The following TRIM37 variants were observed in gnomAD, a reference collection of about 807,000 sequenced individuals.
The protein encoded by TRIM37 is E3 ubiquitin-protein ligase TRIM37.
A neutral mutation model predicts 129.8 loss-of-function variants in TRIM37; 80 were observed. The ratio of observed to expected loss-of-function variants is 0.62; its 90% CI spans 0.51 to 0.74. TRIM37 has a LOEUF of 0.74. Ranked by LOEUF, TRIM37 falls within the 30% of genes least tolerant of loss-of-function variation. TRIM37 has a pLI of 0.00. For synonymous variants in TRIM37, 389 were observed against 387.1 expected, an observed-to-expected ratio of 1.00 and a Z score of -0.06; for missense variants, 1,054 against 1,176.5, an observed-to-expected ratio of 0.90 and a Z score of 1.52.
At chr17:58,977,393 A>T in the TRIM37 span, among the ~76,000 whole-genome samples, 2 of 151,346 alleles carry the variant, frequency 1.3e-5, no homozygotes, top group Non-Finnish European at 2.9e-5. Context: ...CAATGAGCTG[A>T]GATCACACCA....
chr17:59,042,437 AAAAAAAAAAAAAATATATAT>A (rs2039300397), intron 16 of TRIM37, among the ~76,000 whole-genome samples: 1 of 74,292 alleles, frequency 1.3e-5, no homozygotes, highest in Non-Finnish European at 2.5e-5. Flanking sequence ...AATTTAAAAA[AAAAAAAAAAAAAATATATAT>A]ATATATATAT....
intron 13 of TRIM37, among the ~76,000 whole-genome samples, chr17:59,052,759 A>G (rs1486008810): frequency 6.6e-6 from 1 of 152,130 alleles, no homozygotes; most frequent in African/African-American, 2.4e-5. Flanking sequence ...GTTCGAGACC[A>G]GCGTGGCCAA....
intron 10 of TRIM37, among the ~76,000 whole-genome samples, chr17:59,063,280 G>T (rs2041655264): frequency 6.6e-6 from 1 of 151,874 alleles, no homozygotes; most frequent in African/African-American, 2.4e-5. Context: ...CCCGGTTTCA[G>T]GCAATTCTCC....
At chr17:59,038,323 C>T (rs1047622204) in intron 17 of TRIM37, among the ~76,000 whole-genome samples, 11 of 152,110 alleles carry the variant, frequency 7.2e-5, no homozygotes, top group African/African-American at 1.4e-4. Flanking sequence ...AATATACTCA[C>T]CCTTAGGTTA....
intron 17 of TRIM37, among the ~76,000 whole-genome samples, chr17:59,035,231 T>C (rs1288213376): frequency 6.6e-6 from 1 of 151,830 alleles, no homozygotes; most frequent in Non-Finnish European, 1.5e-5. Flanking sequence ...AGCTAATTTT[T>C]TCTACTTTCA....
intron 16 of TRIM37, among the ~76,000 whole-genome samples, chr17:59,044,683 T>A (rs904567559): frequency 6.6e-6 from 1 of 152,240 alleles, no homozygotes; most frequent in Non-Finnish European, 1.5e-5. Flanking sequence ...GTATTAGGTA[T>A]TATAAGTAAT....
the TRIM37 span, among the ~76,000 whole-genome samples, chr17:58,968,372 C>T: frequency 6.6e-5 from 10 of 152,296 alleles, no homozygotes; most frequent in African/African-American, 2.2e-4. Context: ...TTACAATGAT[C>T]TGTGATCATG....
intron 2 of TRIM37, among the ~76,000 whole-genome samples, chr17:59,097,175 A>G (rs1289786333): frequency 6.6e-6 from 1 of 152,146 alleles, no homozygotes; most frequent in Non-Finnish European, 1.5e-5. Flanking sequence ...TTCAAAGGCT[A>G]AAAACTCTTC....
At chr17:58,970,398 A>G in the TRIM37 span, among the ~76,000 whole-genome samples, 1 of 152,172 alleles carries the variant, frequency 6.6e-6, no homozygotes, top group Non-Finnish European at 1.5e-5. Flanking sequence ...AATTAACTAC[A>G]GTGTTCTATA....
In TRIM37 at chr17:59,047,816, C is replaced by T. The variant is rs1283813737; in HGVS notation, c.1534G>A (p.Glu512Lys). The change falls in exon 16 of 24, where the codon GAG becomes AAG. Residue 512 changes from glutamate (E) to lysine (K), a missense_variant. Glu to Lys is a moderately conservative substitution (Grantham distance 56). Transcript: ENST00000262294. Reference protein sequence around the residue: ...EKIQNEDYHHELSDGDLDLDL... With the variant: ...EKIQNEDYHHKLSDGDLDLDL... ...AGATCCAGATCTCCATCTGAAAGCT[C>T]GTGCTAGATCAATGCCAAGAAAACA... The T allele has an allele frequency of 2.5e-6, 4 of 1,613,796 alleles. No homozygotes were observed. The highest frequency in any genetic ancestry group is 3.4e-6 in the Non-Finnish European group (4 of 1,180,040).
At chr17:58,982,468 G>GTAC (rs1471464138), downstream of TRIM37, 1 of 159,212 alleles carries the variant, frequency 6.3e-6, no homozygotes. Context: ...ACTAACAAGG[G>GTAC]TGAGTGCTCT....
At position 59,051,167 on chromosome 17, in the gene TRIM37, C is replaced by CA. The variant is rs2040304810; in HGVS notation, c.1314+46dup. ...AAATCTAATTACAAATATAACAAGC[C>CA]AAAAGGACAATAGGAAACACCAAAA... is the stretch of plus-strand genomic sequence containing the variant. On this transcript the variant is annotated intron_variant, in intron 14 of 23. Transcript: ENST00000262294. 7 of 1,221,036 alleles carry CA rather than the reference C, an allele frequency of 5.7e-6. No individual in the cohort carries two copies. The East Asian group carries it at 1.7e-4, about 29-fold the overall frequency. The allele number at this position is 1,221,036 out of a possible 1,614,324, so 75.6% of individuals were successfully genotyped here.
chr17:59,106,574 G>C lies in TRIM37; in HGVS notation c.-113C>G. ...TCGCCGATAAAAGCCCGGCGCCCAC[G>C]TCAGGGGGCTCTGACAACCGCCCCA... On this transcript the variant is annotated 5_prime_UTR_variant, in exon 1 of 24. Transcript: ENST00000262294. The C allele has an allele frequency of 7.6e-7, 1 of 1,321,512 alleles. No individual in the cohort carries two copies. The highest frequency in any genetic ancestry group is 1.1e-6 in the Non-Finnish European group (1 of 937,688). 81.9% of individuals were successfully genotyped at this position (1,321,512 alleles called of 1,614,324 possible). A position where few individuals can be genotyped will look rare whatever the true frequency, so the allele number is the denominator to read the frequency against.
intron 4 of TRIM37, among the ~76,000 whole-genome samples, chr17:59,086,597 T>C (rs1178265867): frequency 6.6e-6 from 1 of 152,140 alleles, no homozygotes; most frequent in Non-Finnish European, 1.5e-5. Context: ...TTAGAGAAAA[T>C]ACTTACATAA....
At chr17:59,036,236 C>T (rs928286147) in intron 17 of TRIM37, among the ~76,000 whole-genome samples, 7 of 151,964 alleles carry the variant, frequency 4.6e-5, no homozygotes, top group African/African-American at 9.7e-5. Flanking sequence ...AGCAAGACTC[C>T]GTCTCTATAA....
the TRIM37 span, among the ~76,000 whole-genome samples, chr17:58,967,518 A>G: frequency 6.9e-6 from 1 of 144,390 alleles, no homozygotes; most frequent in Non-Finnish European, 1.5e-5. Context: ...ATATATATAT[A>G]TAGAGAGAGA....
At chr17:58,979,937 A>T (rs2031266008), downstream of TRIM37, 1 of 1,529,844 alleles carries the variant, frequency 6.5e-7, no homozygotes, top group Non-Finnish European at 8.9e-7. Flanking sequence ...AAGGTAAAAC[A>T]AATGCTAATG....
intron 14 of TRIM37, 145 bp downstream of exon 14, chr17:59,051,069 G>T: frequency 1.6e-6 from 1 of 624,378 alleles, no homozygotes; most frequent in Non-Finnish European, 2.8e-6. Context: ...AACTGGTAAG[G>T]ATGGGGAACA....
intron 22 of TRIM37, among the ~76,000 whole-genome samples, chr17:59,006,868 G>A (rs763521706): frequency 1.9e-4 from 29 of 151,826 alleles, no homozygotes; most frequent in Non-Finnish European, 2.1e-4. Context: ...CAGCCTGGGC[G>A]ACAGAGCAAC....
Sources: allele counts gnomAD v4.1 joint callset (sites outside exome capture counted in the v4.1 genomes callset), GRCh38; gene constraint gnomAD v4.1.1; transcripts MANE v1.5; gene names NCBI Gene and HGNC (gene_info 2026-07-23, HGNC 2026-07-21).